STK10: variants seen among roughly 807,000 people sequenced by gnomAD.
STK10 encodes serine/threonine kinase 10.
In STK10, 78 loss-of-function variants were observed where a neutral mutation model predicts 113.8. That is an observed-to-expected ratio of 0.69 (90% CI 0.57 to 0.83). The LOEUF (loss-of-function observed/expected upper bound fraction) is 0.83. Ranked by LOEUF, STK10 falls within the 40% of genes least tolerant of loss-of-function variation. The pLI, the probability that STK10 is intolerant of heterozygous loss-of-function variation, is 0.00. For synonymous variants in STK10, 465 were observed against 494.7 expected, an observed-to-expected ratio of 0.94 and a Z score of 0.80; for missense variants, 1,109 against 1,280.1, an observed-to-expected ratio of 0.87 and a Z score of 2.04.
intron 6 of STK10, among the ~76,000 whole-genome samples, chr5:172,106,406 A>G (rs1288283108): frequency 1.4e-5 from 2 of 142,560 alleles, no homozygotes; most frequent in African/African-American, 5.1e-5. Flanking sequence ...TATCTCAAAA[A>G]AAAAAAAAAA....
In STK10 at chr5:172,187,967, C is replaced by G; in HGVS notation, c.76G>C (p.Val26Leu). 1 of 1,613,634 alleles carries G rather than the reference C, an allele frequency of 6.2e-7. No individual in the cohort carries two copies. Reference sequence around the variant, plus strand: ...TCGTTGGGGTCCAGGTCGCGGCGGACGTGCTCATATTCGCGGGACTTTCTC... The same window carrying G: ...TCGTTGGGGTCCAGGTCGCGGCGGAGGTGCTCATATTCGCGGGACTTTCTC... ...EKRKSREYEH[V>L]RRDLDPNEVW... The change falls in exon 1 of 19, where the codon GTC (valine) becomes CTC (leucine). Residue 26 changes from valine (V) to leucine (L), a missense_variant. By Grantham distance (32) the Val-to-Leu change is conservative. This residue lies in a region of STK10 where 57 missense variants were observed against 53.6 expected (regional missense o/e 1.06). Coordinates refer to ENST00000176763, the MANE Select transcript of STK10 (RefSeq NM_005990.4). The surrounding 1 kb of genome is among the most constrained non-coding windows in gnomAD (Gnocchi z 4.6).
intron 18 of STK10, among the ~76,000 whole-genome samples, chr5:172,051,819 G>T (rs2113686333): frequency 6.6e-6 from 1 of 152,220 alleles, no homozygotes; most frequent in Middle Eastern, 3.4e-3. Context: ...CAGCCACCAG[G>T]ATGTTGGTAT....
At chr5:172,158,748 T>G (rs1561830450) in intron 1 of STK10, among the ~76,000 whole-genome samples, 1 of 152,186 alleles carries the variant, frequency 6.6e-6, no homozygotes, top group African/African-American at 2.4e-5. Context: ...ACTACATGGA[T>G]GAATCCTGAA....
intron 1 of STK10, among the ~76,000 whole-genome samples, chr5:172,175,942 G>T (rs2113838257): frequency 6.6e-6 from 1 of 152,298 alleles, no homozygotes; most frequent in Non-Finnish European, 1.5e-5. Context: ...AAGAATAAAT[G>T]ATGGACATGT....
At chr5:172,153,702 G>A (rs1381074912) in intron 2 of STK10, among the ~76,000 whole-genome samples, 5 of 152,206 alleles carry the variant, frequency 3.3e-5, no homozygotes. Flanking sequence ...AAAGCCACAG[G>A]GGCCCAGGCC....
chr5:172,147,750 G>A (rs1473990100), intron 2 of STK10, among the ~76,000 whole-genome samples: 2 of 152,058 alleles, frequency 1.3e-5, no homozygotes, highest in East Asian at 1.9e-4. Context: ...CTCTGGAATC[G>A]GTCTCTTGAC....
rs1042678095 is a variant in STK10, at chr5:172,120,423, G to A, written c.371-2793C>T. ...GCCCCAGACCAGGGCTCCTGGACCA[G>A]GGACCCTTCTCTCTGGAGTCCGCAA... On this transcript the variant is annotated intron_variant, in intron 3 of 18. Transcript: ENST00000176763. This position sits in a 1 kb window ranked among gnomAD's most constrained non-coding sequence, Gnocchi z 4.0. Among the ~76,000 whole-genome samples the A allele has an allele frequency of 6.6e-6, 1 of 152,178 alleles. No individual in the cohort carries two copies. The highest frequency in any genetic ancestry group is 2.4e-5 in the African/African-American group (1 of 41,452).
chr5:172,172,344 G>A (rs1442836951), intron 1 of STK10, among the ~76,000 whole-genome samples: 4 of 152,224 alleles, frequency 2.6e-5, no homozygotes, highest in South Asian at 4.1e-4. Flanking sequence ...CCCTGGTCGC[G>A]TGGTGCCGCA....
Position 172,184,049 on chromosome 5 carries a change from G to C in STK10, c.156+3838C>G, listed in dbSNP as rs1315506565. ...ACTTCCAAGGCCCAGAAAGACCTCA[G>C]GAAGCCTTCGACACTTAGGCTGTCA... On this transcript the variant is annotated intron_variant, in intron 1 of 18. Transcript: ENST00000176763. 2.6e-5 allele frequency among the ~76,000 whole-genome samples: 4 copies of C among 152,248 alleles called. No individual in the cohort carries two copies. In the East Asian group the frequency reaches 7.7e-4, roughly 29 times the overall value.
chr5:172,100,318 C>T (rs1053009610), intron 7 of STK10, among the ~76,000 whole-genome samples: 2 of 152,160 alleles, frequency 1.3e-5, no homozygotes, highest in African/African-American at 4.8e-5. Flanking sequence ...TAAGAGGCAC[C>T]GGCTGGCTGT....
chr5:172,136,471 C>T (rs1316176003), intron 2 of STK10, among the ~76,000 whole-genome samples: 1 of 152,168 alleles, frequency 6.6e-6, no homozygotes, highest in Non-Finnish European at 1.5e-5. Context: ...GTGGCAGGCA[C>T]CTGTAGTCCC....
intron 10 of STK10, among the ~76,000 whole-genome samples, chr5:172,086,664 G>T (rs1768568288): frequency 6.6e-6 from 1 of 152,222 alleles, no homozygotes; most frequent in Admixed American, 6.5e-5. Context: ...AACGCCAGGG[G>T]TCAGGTATGA....
intron 12 of STK10, among the ~76,000 whole-genome samples, chr5:172,078,871 A>G (rs1768369285): frequency 6.6e-6 from 1 of 151,540 alleles, no homozygotes; most frequent in Non-Finnish European, 1.5e-5. Context: ...GGGTGAGGAG[A>G]TCTGTGGCTT....
In STK10 at chr5:172,082,920, G is replaced by GC. The variant is rs1768466203; in HGVS notation, c.1809+40_1809+41insG. 1.2e-6 allele frequency: 2 copies of GC among 1,606,202 alleles called. No individual in the cohort carries two copies. The highest frequency in any genetic ancestry group is 4.5e-5 in the East Asian group (2 of 44,726). ...AGCTTCCACTGAGAGAACACCTGGAGGCAAGAAGCCCTGCAGGGTCCCATC... is the reference window on the plus strand; with the variant it reads ...AGCTTCCACTGAGAGAACACCTGGAGCGCAAGAAGCCCTGCAGGGTCCCATC... On this transcript the variant is annotated intron_variant, in intron 11 of 18. Transcript: ENST00000176763. This position sits in a 1 kb window ranked among gnomAD's most constrained non-coding sequence, Gnocchi z 4.3.
rs756557172 is a variant in STK10 at position 172,106,641 on chromosome 5, G to A, written c.767C>T (p.Thr256Met). ...LLKIAKSDPPTLLTPSKWSVE... is the reference protein window; with the variant it reads ...LLKIAKSDPPMLLTPSKWSVE... Reference sequence around the variant, plus strand: ...TCACCACTTAGAGGGCGTGAGCAGCGTGGGAGGGTCCGACTTGGCGATCTT... The same window carrying A: ...TCACCACTTAGAGGGCGTGAGCAGCATGGGAGGGTCCGACTTGGCGATCTT... Residue 256 changes from threonine (T) to methionine (M), a missense_variant, in exon 6 of 19, where the codon ACG (threonine) becomes ATG (methionine). Coordinates refer to ENST00000176763, the MANE Select transcript of STK10 (RefSeq NM_005990.4). The A allele has an allele frequency of 6.2e-7, 1 of 1,612,856 alleles. No individual in the cohort carries two copies. Among genetic ancestry groups the A allele is most frequent in the South Asian group, 1.1e-5 (1 of 91,006 alleles).
rs566340494 is a variant in STK10, at chr5:172,055,579, G to T, written c.2526+9C>A. On this transcript the variant is annotated intron_variant, in intron 16 of 18. Transcript: ENST00000176763. ...GCACACTTGCAGACCCCGCAGGCCC[G>T]GCCCCCACCTGCTTGATCTTCTCAC... 1.4e-6 allele frequency: 2 copies of T among 1,458,144 alleles called. No homozygotes were observed. Among genetic ancestry groups the T allele is most frequent in the Non-Finnish European group, 9.1e-7 (1 of 1,094,532 alleles). 90.3% of individuals were successfully genotyped at this position (1,458,144 alleles called of 1,614,324 possible).
intron 1 of STK10, among the ~76,000 whole-genome samples, chr5:172,166,035 C>T (rs1321850120): frequency 1.3e-5 from 2 of 152,216 alleles, no homozygotes; most frequent in Non-Finnish European, 2.9e-5. Context: ...TCAAGTGATC[C>T]GCCCACCTTG....
intron 4 of STK10, among the ~76,000 whole-genome samples, chr5:172,113,714 C>T (rs923727635): frequency 6.6e-6 from 1 of 151,910 alleles, no homozygotes. Flanking sequence ...GTCAGGAGTT[C>T]GAGACAAAAA....
intron 2 of STK10, among the ~76,000 whole-genome samples, chr5:172,146,857 A>T (rs1023678631): frequency 6.6e-6 from 1 of 152,352 alleles, no homozygotes; most frequent in East Asian, 1.9e-4. Flanking sequence ...TTCCCCACAC[A>T]CAGGCAGTGG....
Sources: allele counts gnomAD v4.1 joint callset (sites outside exome capture counted in the v4.1 genomes callset), GRCh38; gene constraint gnomAD v4.1.1; regional missense constraint gnomAD v4.1.1; non-coding constraint Gnocchi (gnomAD v3.1); transcripts MANE v1.5; gene names NCBI Gene and HGNC (gene_info 2026-07-23, HGNC 2026-07-21).